Variants in ECT2L observed in about 807,000 individuals in gnomAD.
The protein encoded by ECT2L is epithelial cell transforming 2 like, also known as epithelial cell-transforming sequence 2 oncogene-like.
Under a neutral mutation model 122.8 loss-of-function variants are expected in ECT2L, and 126 were observed. The ratio of observed to expected loss-of-function variants is 1.03; its 90% CI spans 0.89 to 1.19. ECT2L has a LOEUF of 1.19. Ranked by LOEUF, ECT2L falls within the 50% of genes most tolerant of loss-of-function variation. The pLI is 0.00. For missense variants in ECT2L, 1,012 were observed against 1,064.1 expected (o/e 0.95, Z 0.68); for synonymous variants, 385 against 381.8 (o/e 1.01, Z -0.10).
At position 138,903,254 on chromosome 6, in the gene ECT2L, C is replaced by G. The variant is rs1188874; in HGVS notation, c.*627C>G. 0.62 allele frequency: 93,652 copies of G among 151,748 alleles called. 29,187 individuals are homozygous for G. Among genetic ancestry groups the G allele is most frequent in the Admixed American group, 0.65 (9,889 of 15,236 alleles). 9.4% of individuals were successfully genotyped at this position (151,748 alleles called of 1,614,324 possible). On this transcript the variant is annotated 3_prime_UTR_variant, in exon 22 of 22. Transcript: ENST00000541398. ...CGCCTGTAGTCCCTGCTACTTGCGA[C>G]GCTGAGGCAGGAGAAGAATCACTTG...
At chr6:138,810,490 G>GA (rs1398769721) in intron 1 of ECT2L, among the ~76,000 whole-genome samples, 4 of 152,074 alleles carry the variant, frequency 2.6e-5, no homozygotes, top group Admixed American at 1.3e-4. Context: ...TAGAGAGAGA[G>GA]AAAAAAATGT....
At chr6:138,898,921 A>G (rs1008489524) in intron 20 of ECT2L, among the ~76,000 whole-genome samples, 1 of 152,188 alleles carries the variant, frequency 6.6e-6, no homozygotes, top group Non-Finnish European at 1.5e-5. Flanking sequence ...ATTAGGTACC[A>G]TAAGAGATTA....
chr6:138,815,490 A>T (rs1231862416), intron 4 of ECT2L, among the ~76,000 whole-genome samples: 1 of 152,188 alleles, frequency 6.6e-6, no homozygotes, highest in Non-Finnish European at 1.5e-5. Context: ...AATGCCAGAT[A>T]AAAAGCCTTA....
chr6:138,798,973 C>A (rs983624067), intron 1 of ECT2L, among the ~76,000 whole-genome samples: 2 of 152,142 alleles, frequency 1.3e-5, no homozygotes, highest in African/African-American at 4.8e-5. Context: ...GTTTCTGTAC[C>A]TAATTTCTGA....
chr6:138,874,456 A>G (rs1290151071), intron 13 of ECT2L, among the ~76,000 whole-genome samples: 1 of 152,236 alleles, frequency 6.6e-6, no homozygotes, highest in Non-Finnish European at 1.5e-5. Context: ...TTTAGGTTCA[A>G]ACAAAATTAC....
intron 1 of ECT2L, among the ~76,000 whole-genome samples, chr6:138,803,451 T>C (rs528101408): frequency 6.6e-6 from 1 of 152,246 alleles, no homozygotes; most frequent in South Asian, 2.1e-4. Flanking sequence ...TAACACAGAG[T>C]ATAATAACAA....
chr6:138,807,365 A>G (rs1260250185), intron 1 of ECT2L, among the ~76,000 whole-genome samples: 1 of 152,212 alleles, frequency 6.6e-6, no homozygotes, highest in Non-Finnish European at 1.5e-5. Context: ...AAAGGAGCCA[A>G]TCAGCACTTT....
chr6:138,858,872 AT>A (rs1347507880), intron 10 of ECT2L, among the ~76,000 whole-genome samples: 3 of 150,328 alleles, frequency 2.0e-5, no homozygotes, highest in African/African-American at 4.9e-5. Flanking sequence ...TGCTTGGCTA[AT>A]TTTTTTTTAT....
At chr6:138,877,536 A>T (rs1199417607) in intron 14 of ECT2L, among the ~76,000 whole-genome samples, 3 of 151,702 alleles carry the variant, frequency 2.0e-5, no homozygotes, top group African/African-American at 7.3e-5. Context: ...ATATAATATT[A>T]AAAAAATAAT....
chr6:138,838,325 C>G, intron 4 of ECT2L, 27 bp from the exon 5 acceptor site: 1 of 1,556,296 alleles, frequency 6.4e-7, no homozygotes, highest in Non-Finnish European at 8.6e-7. Flanking sequence ...CATTAGTGTT[C>G]TAAACTAAAT....
intron 10 of ECT2L, among the ~76,000 whole-genome samples, chr6:138,858,945 C>G (rs1221343017): frequency 3.9e-5 from 6 of 151,966 alleles, no homozygotes; most frequent in African/African-American, 4.8e-5. Flanking sequence ...TAGGCTCAAG[C>G]AATTCTCCTT....
chr6:138,901,097 T>C lies in ECT2L; in HGVS notation c.2564T>C (p.Ile855Thr), dbSNP rs758615200. The change falls in exon 21 of 22, where the codon ATA becomes ACA. Residue 855 changes from isoleucine to threonine, a missense_variant. By Grantham distance (89) the Ile-to-Thr change is moderately conservative. Transcript: ENST00000541398. Reference sequence around the variant, plus strand: ...TCAGTGGCCCTTCATCGGTTACTCATAGAAAATATTCCAGATTCCAAGTGT... The same window carrying C: ...TCAGTGGCCCTTCATCGGTTACTCACAGAAAATATTCCAGATTCCAAGTGT... Reference protein sequence around the residue: ...IASVALHRLLIENIPDSKYVK... With the variant: ...IASVALHRLLTENIPDSKYVK... The C allele has an allele frequency of 2.0e-5, 33 of 1,613,956 alleles. No individual in the cohort carries two copies. Among genetic ancestry groups the C allele is most frequent in the South Asian group, 4.4e-5 (4 of 91,072 alleles).
At chr6:138,890,474 A>G (rs923705987) in intron 20 of ECT2L, among the ~76,000 whole-genome samples, 2 of 95,040 alleles carry the variant, frequency 2.1e-5, no homozygotes, top group Non-Finnish European at 4.1e-5. Flanking sequence ...TTGTCATGAC[A>G]TTTTTGTTTT....
At chr6:138,869,328 A>AT (rs1297769976) in intron 13 of ECT2L, among the ~76,000 whole-genome samples, 38 of 152,198 alleles carry the variant, frequency 2.5e-4, no homozygotes, top group Admixed American at 7.2e-4. Flanking sequence ...TTCCACCATC[A>AT]TAATTCTGCT....
At chr6:138,829,867 C>T (rs545953061) in intron 4 of ECT2L, among the ~76,000 whole-genome samples, 14 of 152,152 alleles carry the variant, frequency 9.2e-5, no homozygotes, top group African/African-American at 3.4e-4. Flanking sequence ...GGATTACAGG[C>T]GCTCGCCACC....
At chr6:138,846,504 A>G in intron 7 of ECT2L, 35 bp from the exon 8 acceptor site, 1 of 1,545,362 alleles carries the variant, frequency 6.5e-7, no homozygotes, top group Non-Finnish European at 8.7e-7. Flanking sequence ...GGTAAGAGAA[A>G]ATGAAAACTT....
chr6:138,878,399 A>G lies in ECT2L; in HGVS notation c.1665+1841A>G, dbSNP rs61691375. On this transcript the variant is annotated intron_variant, in intron 14 of 21. Transcript: ENST00000541398. ...CAAGATAACAGATTGGAATATAAAG[A>G]TAACTGCTGAATGAGCATGCCACGA... Among the ~76,000 whole-genome samples the G allele has an allele frequency of 9.0e-3, 1,376 of 152,238 alleles. 23 individuals carry two copies. The highest frequency in any genetic ancestry group is 0.031 in the African/African-American group (1,278 of 41,546).
rs552594959 is a variant in ECT2L at position 138,890,492 on chromosome 6, C to CTTTTTTTTTTTTTTTTT, written c.2414+1473_2414+1489dup. Among the ~76,000 whole-genome samples, 109 of 78,972 alleles carry CTTTTTTTTTTTTTTTTT rather than the reference C, an allele frequency of 1.4e-3. 9 individuals carry two copies. Among genetic ancestry groups the CTTTTTTTTTTTTTTTTT allele is most frequent in the East Asian group, 9.6e-3 (15 of 1,558 alleles). The allele number at this position is 78,972 out of a possible 152,430, so 51.8% of individuals were successfully genotyped here. Reference sequence around the variant, plus strand: ...TCATGACATTTTTGTTTTCTTTGATCTTTTTTTTTTTTTTTTTTTTTTTTT... The same window carrying CTTTTTTTTTTTTTTTTT: ...TCATGACATTTTTGTTTTCTTTGATCTTTTTTTTTTTTTTTTTTTTTTTTTTTTTTTTTTTTTTTTTT... On this transcript the variant is annotated intron_variant, in intron 20 of 21. Transcript: ENST00000541398.
rs779480754 is a variant in ECT2L, at chr6:138,813,240, C to T, written c.-35C>T. 6.3e-5 allele frequency: 98 copies of T among 1,566,910 alleles called. No individual in the cohort carries two copies. The highest frequency in any genetic ancestry group is 7.6e-5 in the Non-Finnish European group (87 of 1,152,300). ...AGAAGTGGAAGAAAATTTGCTGAGA[C>T]GTCAGCTGGGGATTCTTCCTGGAGA... On this transcript the variant is annotated 5_prime_UTR_variant, in exon 3 of 22. It adds an upstream start codon to the 5' untranslated region. Coordinates refer to ENST00000541398, the MANE Select transcript of ECT2L (RefSeq NM_001077706.3).
Sources: gnomAD v4.1 joint callset for allele counts (sites outside exome capture counted in the v4.1 genomes callset) on GRCh38, gnomAD v4.1.1 for gene constraint, MANE v1.5 for transcripts, NCBI Gene and HGNC (gene_info 2026-07-23, HGNC 2026-07-21) for gene names.